The following PDGFC variants were observed in gnomAD, a reference collection of about 807,000 sequenced individuals.
PDGFC encodes the protein platelet derived growth factor C.
Under a neutral mutation model 35.5 loss-of-function variants are expected in PDGFC, and 12 were observed. The observed-to-expected ratio is 0.34, with a 90% CI of 0.22 to 0.55. The LOEUF (loss-of-function observed/expected upper bound fraction) is 0.55. Among genes scored for constraint, PDGFC ranks in the 20% least tolerant of loss-of-function variants. The pLI is 0.91. For missense variants in PDGFC, 322 were observed against 412.4 expected (o/e 0.78, Z 1.90); for synonymous variants, 159 against 148.8 (o/e 1.07, Z -0.50).
intron 2 of PDGFC, among the ~76,000 whole-genome samples, chr4:156,826,159 C>T (rs1269509425): frequency 7.1e-6 from 1 of 140,316 alleles, no homozygotes; most frequent in Non-Finnish European, 1.5e-5. Context: ...GCCACCATAT[C>T]CAGCTTTGAG....
intron 1 of PDGFC, among the ~76,000 whole-genome samples, chr4:156,923,310 G>C (rs1731332116): frequency 6.6e-6 from 1 of 152,108 alleles, no homozygotes; most frequent in Non-Finnish European, 1.5e-5. Context: ...TCCGGTCCTG[G>C]CATGGCTGCT....
At chr4:156,946,190 T>TA (rs1015818678) in intron 1 of PDGFC, among the ~76,000 whole-genome samples, 5 of 151,908 alleles carry the variant, frequency 3.3e-5, no homozygotes, top group African/African-American at 1.2e-4. Context: ...GCAGAGAAGA[T>TA]AGAGAGGAAA....
At chr4:156,834,382 A>G (rs1172299774) in intron 2 of PDGFC, among the ~76,000 whole-genome samples, 1 of 152,152 alleles carries the variant, frequency 6.6e-6, no homozygotes, top group African/African-American at 2.4e-5. Context: ...ATTTCCACTG[A>G]GATTAACCCC....
chr4:156,912,175 T>C (rs1267817306), intron 1 of PDGFC, among the ~76,000 whole-genome samples: 1 of 152,090 alleles, frequency 6.6e-6, no homozygotes, highest in Non-Finnish European at 1.5e-5. Context: ...CTTAGAGCAC[T>C]GTATAGGAAA....
chr4:156,764,372 C>T (rs761084918), intron 5 of PDGFC, among the ~76,000 whole-genome samples: 14 of 152,154 alleles, frequency 9.2e-5, no homozygotes, highest in Non-Finnish European at 1.3e-4. Context: ...AACGTTTTTA[C>T]ATACTTTAAC....
intron 2 of PDGFC, among the ~76,000 whole-genome samples, chr4:156,825,574 A>ATAATAATAATAATAC (rs1732426166): frequency 9.2e-6 from 1 of 108,872 alleles, no homozygotes; most frequent in African/African-American, 3.9e-5. Flanking sequence ...AATAATAATA[A>ATAATAATAATAATAC]TAATAATAAT....
Position 156,874,653 on chromosome 4 carries a change from C to T in PDGFC, c.119-24237G>A, listed in dbSNP as rs530412145. 3.9e-4 allele frequency among the ~76,000 whole-genome samples: 60 copies of T among 152,140 alleles called. 1 individual carries two copies. The highest frequency in any genetic ancestry group is 1.1e-3 in the African/African-American group (47 of 41,548). On this transcript the variant is annotated intron_variant, in intron 1 of 5. Coordinates refer to ENST00000502773, the MANE Select transcript of PDGFC (RefSeq NM_016205.3). ...AAGGAAAGAAGATGTTTAACATCTT[C>T]CCTTGAATTGCCTCTTAGCCAAAAA...
At chr4:156,882,151 T>C (rs914904961) in intron 1 of PDGFC, among the ~76,000 whole-genome samples, 30 of 152,146 alleles carry the variant, frequency 2.0e-4, no homozygotes, top group African/African-American at 7.0e-4. Context: ...TATCCTGCTA[T>C]TTCATTATTC....
At chr4:156,921,164 C>T (rs1366961386) in intron 1 of PDGFC, among the ~76,000 whole-genome samples, 1 of 152,030 alleles carries the variant, frequency 6.6e-6, no homozygotes, top group Non-Finnish European at 1.5e-5. Flanking sequence ...CTTATTTATC[C>T]CTAAGACTAC....
At chr4:156,956,295 A>G (rs958395055) in intron 1 of PDGFC, among the ~76,000 whole-genome samples, 3 of 152,028 alleles carry the variant, frequency 2.0e-5, no homozygotes, top group Non-Finnish European at 4.4e-5. Context: ...GGAGAACAAC[A>G]ATGTAGACTT....
intron 3 of PDGFC, among the ~76,000 whole-genome samples, chr4:156,779,495 G>A (rs1730921365): frequency 6.6e-6 from 1 of 152,132 alleles, no homozygotes; most frequent in Non-Finnish European, 1.5e-5. Context: ...CAACAGTCCA[G>A]TATGAAAAGC....
rs117847974 is a variant in PDGFC at position 156,904,268 on chromosome 4, G to A, written c.119-53852C>T. 1.0e-3 allele frequency among the ~76,000 whole-genome samples: 157 copies of A among 151,932 alleles called. 1 individual carries two copies. In the East Asian group the frequency reaches 0.023, roughly 23 times the overall value. On this transcript the variant is annotated intron_variant, in intron 1 of 5. Coordinates refer to ENST00000502773, the MANE Select transcript of PDGFC (RefSeq NM_016205.3). ...ACGTGAAAAGTCATGGATAAAAGCT[G>A]GAAAAAGGAAAGAGATCATAATTAA...
At chr4:156,948,537 G>T (rs538386403) in intron 1 of PDGFC, among the ~76,000 whole-genome samples, 2 of 152,062 alleles carry the variant, frequency 1.3e-5, no homozygotes, top group South Asian at 4.1e-4. Flanking sequence ...TACAATAGGA[G>T]AAAATGCTAT....
chr4:156,770,679 T>A (rs2110809179), intron 4 of PDGFC: 1 of 152,288 alleles, frequency 6.6e-6, no homozygotes, highest in South Asian at 2.1e-4. Context: ...TTTGTTTTTC[T>A]AAAGAATGCA....
intron 1 of PDGFC, among the ~76,000 whole-genome samples, chr4:156,948,081 A>G (rs1180040905): frequency 6.6e-6 from 1 of 151,720 alleles, no homozygotes; most frequent in East Asian, 1.9e-4. Context: ...TATCTCACAC[A>G]CTTGTCTATA....
At chr4:156,851,364 T>C (rs1260273739) in intron 1 of PDGFC, among the ~76,000 whole-genome samples, 1 of 152,180 alleles carries the variant, frequency 6.6e-6, no homozygotes. Flanking sequence ...GGGCAGAGTA[T>C]AGTACAAAAT....
chr4:156,788,610 AG>A (rs1038702108), intron 3 of PDGFC, among the ~76,000 whole-genome samples: 1 of 152,218 alleles, frequency 6.6e-6, no homozygotes, highest in African/African-American at 2.4e-5. Flanking sequence ...CCTCAAAGAA[AG>A]GGTATTTGGT....
At chr4:156,770,666 T>C (rs963053089) in intron 4 of PDGFC, 2 of 152,124 alleles carry the variant, frequency 1.3e-5, no homozygotes, top group African/African-American at 4.8e-5. Context: ...ATACAGGTAT[T>C]AGTTTGTTTT....
At chr4:156,832,389 T>C (rs1191912047) in intron 2 of PDGFC, among the ~76,000 whole-genome samples, 2 of 151,936 alleles carry the variant, frequency 1.3e-5, no homozygotes, top group Non-Finnish European at 2.9e-5. Flanking sequence ...CCTGAGTAGC[T>C]GGGATTACAG....
Sources: gnomAD v4.1 joint callset for allele counts (sites outside exome capture counted in the v4.1 genomes callset) on GRCh38, gnomAD v4.1.1 for gene constraint, MANE v1.5 for transcripts, NCBI Gene and HGNC (gene_info 2026-07-23, HGNC 2026-07-21) for gene names.